The following GALNT13 variants were observed in gnomAD, a reference collection of about 807,000 sequenced individuals.
GALNT13 encodes the protein UDP-GalNAc:polypeptide N-acetylgalactosaminyltransferase 13.
GALNT13 carries 28 observed loss-of-function variants against 64.2 expected under a neutral mutation model. The observed-to-expected ratio is 0.44, with a 90% confidence interval of 0.32 to 0.60. The LOEUF is 0.60. GALNT13 is among the 20% of genes least tolerant of loss of function. GALNT13 has a pLI of 0.05. For missense variants in GALNT13, 577 were observed against 669.8 expected (o/e 0.86, Z 1.53); for synonymous variants, 214 against 224.6 (o/e 0.95, Z 0.42).
the GALNT13 span, among the ~76,000 whole-genome samples, chr2:153,559,135 T>C: frequency 6.6e-6 from 1 of 152,194 alleles, no homozygotes. Context: ...ATAAAAACAT[T>C]TATTTTTGTA....
At chr2:154,024,184 C>A (rs907433173) in intron 3 of GALNT13, among the ~76,000 whole-genome samples, 1 of 152,012 alleles carries the variant, frequency 6.6e-6, no homozygotes, top group Non-Finnish European at 1.5e-5. Flanking sequence ...TGGAGTTGCT[C>A]TTCTCGAGGA....
At chr2:153,996,873 C>T (rs897608714) in intron 3 of GALNT13, among the ~76,000 whole-genome samples, 6 of 152,032 alleles carry the variant, frequency 3.9e-5, no homozygotes, top group Admixed American at 6.6e-5. Flanking sequence ...CAATTTCATT[C>T]TTCTACGTGT....
At chr2:153,659,460 A>G in the GALNT13 span, among the ~76,000 whole-genome samples, 18 of 152,258 alleles carry the variant, frequency 1.2e-4, no homozygotes, top group Non-Finnish European at 2.1e-4. Context: ...ATCTTTGCCT[A>G]TCTAAATTCT....
chr2:153,601,118 A>G, the GALNT13 span, among the ~76,000 whole-genome samples: 4 of 151,908 alleles, frequency 2.6e-5, no homozygotes, highest in Admixed American at 1.3e-4. Context: ...TTACCACAGT[A>G]TATTCAAACA....
At chr2:153,889,624 G>A (rs1574052382) in intron 1 of GALNT13, among the ~76,000 whole-genome samples, 1 of 152,104 alleles carries the variant, frequency 6.6e-6, no homozygotes, top group South Asian at 2.1e-4. Flanking sequence ...TTGGCCAGAG[G>A]CCTACATCTC....
At chr2:153,383,527 A>C in the GALNT13 span, among the ~76,000 whole-genome samples, 1 of 152,078 alleles carries the variant, frequency 6.6e-6, no homozygotes, top group Non-Finnish European at 1.5e-5. Flanking sequence ...AAGCAACCTA[A>C]ACAGCATCTT....
the GALNT13 span, among the ~76,000 whole-genome samples, chr2:153,100,451 A>C: frequency 6.6e-6 from 1 of 152,308 alleles, no homozygotes; most frequent in African/African-American, 2.4e-5. Context: ...GGAGAAGGCT[A>C]TTGTGACTAT....
chr2:153,893,130 G>A (rs921731067), intron 1 of GALNT13, among the ~76,000 whole-genome samples: 4 of 152,044 alleles, frequency 2.6e-5, no homozygotes, highest in Non-Finnish European at 4.4e-5. Flanking sequence ...TTGAACAGGC[G>A]AAGGTCAAAG....
the GALNT13 span, among the ~76,000 whole-genome samples, chr2:153,278,568 C>T: frequency 6.6e-6 from 1 of 151,988 alleles, no homozygotes; most frequent in African/African-American, 2.4e-5. Context: ...TATTCTTCTG[C>T]TTGTGGTCAG....
chr2:153,755,631 A>G, the GALNT13 span, among the ~76,000 whole-genome samples: 2 of 152,090 alleles, frequency 1.3e-5, no homozygotes, highest in African/African-American at 2.4e-5. Context: ...AGTTACTTAT[A>G]TATTTTGTAT....
chr2:153,361,356 C>A, the GALNT13 span, among the ~76,000 whole-genome samples: 1 of 152,012 alleles, frequency 6.6e-6, no homozygotes, highest in Non-Finnish European at 1.5e-5. Flanking sequence ...CAGAACTATA[C>A]AGAGGATGAG....
At chr2:154,193,478 A>G in intron 4 of GALNT13, among the ~76,000 whole-genome samples, 1 of 152,158 alleles carries the variant, frequency 6.6e-6, no homozygotes, top group Non-Finnish European at 1.5e-5. Context: ...AAGAACCGTG[A>G]CCATGACGAA....
chr2:153,770,353 G>T, the GALNT13 span, among the ~76,000 whole-genome samples: 1 of 152,142 alleles, frequency 6.6e-6, no homozygotes, highest in Non-Finnish European at 1.5e-5. Flanking sequence ...CTGTTTTTAA[G>T]TTCCTTGGTT....
intron 4 of GALNT13, among the ~76,000 whole-genome samples, chr2:154,192,380 C>T (rs538930525): frequency 6.6e-6 from 1 of 152,232 alleles, no homozygotes; most frequent in South Asian, 2.1e-4. Context: ...GGTCCAGGCC[C>T]GGGGGTGGAA....
chr2:153,483,414 T>A, the GALNT13 span, among the ~76,000 whole-genome samples: 2 of 143,130 alleles, frequency 1.4e-5, no homozygotes, highest in South Asian at 2.3e-4. Context: ...AAAATTCTTT[T>A]TTTTTTTTTT....
At chr2:153,677,663 A>G in the GALNT13 span, among the ~76,000 whole-genome samples, 1 of 152,128 alleles carries the variant, frequency 6.6e-6, no homozygotes, top group African/African-American at 2.4e-5. Flanking sequence ...AAACTATACT[A>G]CAAGGCTACA....
At chr2:154,418,437 A>G (rs1467507929) in intron 11 of GALNT13, among the ~76,000 whole-genome samples, 2 of 152,206 alleles carry the variant, frequency 1.3e-5, no homozygotes, top group African/African-American at 2.4e-5. Context: ...TACCACATGT[A>G]TCCTTATAAA....
At chr2:153,965,555 A>G (rs2105107925) in intron 3 of GALNT13, among the ~76,000 whole-genome samples, 1 of 152,292 alleles carries the variant, frequency 6.6e-6, no homozygotes, top group Non-Finnish European at 1.5e-5. Context: ...TTACATATAT[A>G]GAACAGGACG....
chr2:154,094,103 A>G (rs1701956225), intron 3 of GALNT13, among the ~76,000 whole-genome samples: 1 of 151,934 alleles, frequency 6.6e-6, no homozygotes, highest in Non-Finnish European at 1.5e-5. Context: ...TGGTTTATGC[A>G]GATAAGTTGT....
Sources: allele counts gnomAD v4.1 joint callset (sites outside exome capture counted in the v4.1 genomes callset), GRCh38; gene constraint gnomAD v4.1.1; transcripts MANE v1.5; gene names NCBI Gene and HGNC (gene_info 2026-07-23, HGNC 2026-07-21).